The following PPARGC1A variants were observed in gnomAD, a reference collection of about 807,000 sequenced individuals.
PPARGC1A encodes PPARG coactivator 1 alpha, also known as peroxisome proliferator-activated receptor gamma coactivator 1-alpha.
Under a neutral mutation model 88.7 loss-of-function variants are expected in PPARGC1A, and 25 were observed. The observed-to-expected ratio is 0.28, with a 90% CI of 0.21 to 0.39. The LOEUF (loss-of-function observed/expected upper bound fraction) is 0.39. PPARGC1A is among the 10% of genes least tolerant of loss of function. PPARGC1A has a pLI of 1.00. For missense variants in PPARGC1A, 880 were observed against 968.7 expected (o/e 0.91, Z 1.22); for synonymous variants, 363 against 355.6 (o/e 1.02, Z -0.24).
At chr4:23,803,403 C>G (rs4383604) in intron 10 of PPARGC1A, among the ~76,000 whole-genome samples, 5 of 152,104 alleles carry the variant, frequency 3.3e-5, no homozygotes, top group African/African-American at 1.2e-4. Flanking sequence ...GCCAATAAAT[C>G]TAGTCTTATT....
the PPARGC1A span, among the ~76,000 whole-genome samples, chr4:24,005,747 A>G: frequency 6.6e-6 from 1 of 152,134 alleles, no homozygotes; most frequent in South Asian, 2.1e-4. Context: ...TCACTTGGGC[A>G]TAGTGACCGG....
At chr4:24,017,517 GAGAT>G in the PPARGC1A span, among the ~76,000 whole-genome samples, 3 of 152,052 alleles carry the variant, frequency 2.0e-5, no homozygotes, top group African/African-American at 4.8e-5. Flanking sequence ...AGCAAACAGA[GAGAT>G]AGCGCACATA....
At chr4:24,324,759 C>G in the PPARGC1A span, among the ~76,000 whole-genome samples, 1 of 152,144 alleles carries the variant, frequency 6.6e-6, no homozygotes, top group East Asian at 1.9e-4. Context: ...TCAGTCCCTT[C>G]CTAGTCTCTG....
chr4:24,258,099 G>A, the PPARGC1A span: 1 of 426,016 alleles, frequency 2.3e-6, no homozygotes, highest in Non-Finnish European at 3.1e-6. Flanking sequence ...ATATCTGGGT[G>A]TGAAACTTGG....
At chr4:23,813,516 A>G (rs1482319312) in intron 8 of PPARGC1A, among the ~76,000 whole-genome samples, 174 bp downstream of exon 8, 1 of 152,238 alleles carries the variant, frequency 6.6e-6, no homozygotes, top group Non-Finnish European at 1.5e-5. Flanking sequence ...CAGATTTAAG[A>G]GAACATGGAG....
the PPARGC1A span, among the ~76,000 whole-genome samples, chr4:24,353,365 C>T: frequency 6.8e-6 from 1 of 146,838 alleles, no homozygotes; most frequent in Non-Finnish European, 1.5e-5. Flanking sequence ...CATCTGGGTC[C>T]CCCGCCCTCC....
chr4:24,212,672 A>G, the PPARGC1A span, among the ~76,000 whole-genome samples: 1 of 152,184 alleles, frequency 6.6e-6, no homozygotes, highest in African/African-American at 2.4e-5. Flanking sequence ...GCCAACTTGC[A>G]TAACAAACTA....
At chr4:23,797,646 C>A (rs1019165156) in intron 12 of PPARGC1A, among the ~76,000 whole-genome samples, 1 of 152,166 alleles carries the variant, frequency 6.6e-6, no homozygotes, top group African/African-American at 2.4e-5. Flanking sequence ...AGAGTTTCTT[C>A]ACTGTGAAAT....
chr4:24,066,849 GTTTTTT>G, the PPARGC1A span, among the ~76,000 whole-genome samples: 107 of 100,876 alleles, frequency 1.1e-3, 1 homozygote, highest in African/African-American at 4.1e-3. Context: ...TTTGTTTTGG[GTTTTTT>G]TTTTTTTTTT....
the PPARGC1A span, among the ~76,000 whole-genome samples, chr4:24,004,151 G>A: frequency 2.0e-5 from 3 of 152,180 alleles, no homozygotes; most frequent in Non-Finnish European, 4.4e-5. Context: ...CACGCCATCT[G>A]TGTTGCTATA....
chr4:24,262,170 A>C, the PPARGC1A span, among the ~76,000 whole-genome samples: 3 of 151,588 alleles, frequency 2.0e-5, no homozygotes, highest in Non-Finnish European at 4.4e-5. Context: ...GCAGTGGAGG[A>C]TAAAGTGCTT....
At chr4:24,342,582 A>C in the PPARGC1A span, among the ~76,000 whole-genome samples, 1 of 152,244 alleles carries the variant, frequency 6.6e-6, no homozygotes, top group Admixed American at 6.5e-5. Flanking sequence ...GAAGTCGTTC[A>C]TATTATTACA....
At chr4:24,142,398 T>C in the PPARGC1A span, among the ~76,000 whole-genome samples, 4 of 148,388 alleles carry the variant, frequency 2.7e-5, no homozygotes. Flanking sequence ...GGGGGCTGGG[T>C]GCGGTGGCTC....
the PPARGC1A span, among the ~76,000 whole-genome samples, chr4:24,330,720 G>A: frequency 9.8e-5 from 15 of 152,304 alleles, no homozygotes; most frequent in Non-Finnish European, 2.1e-4. Flanking sequence ...TTATAAATGA[G>A]AAACTGAGAC....
At chr4:24,339,866 G>A in the PPARGC1A span, among the ~76,000 whole-genome samples, 1 of 151,916 alleles carries the variant, frequency 6.6e-6, no homozygotes, top group South Asian at 2.1e-4. Flanking sequence ...AGCCTCCCGA[G>A]TAGCTGGGAC....
At chr4:24,373,461 C>T in the PPARGC1A span, among the ~76,000 whole-genome samples, 54 of 152,284 alleles carry the variant, frequency 3.5e-4, 1 homozygote, top group Non-Finnish European at 7.1e-4. Context: ...GAAGGGAACA[C>T]GCTAAAATGT....
At chr4:24,258,164 A>G in the PPARGC1A span, 1 of 940,076 alleles carries the variant, frequency 1.1e-6, no homozygotes, top group Non-Finnish European at 1.3e-6. Context: ...GCACTTCAGA[A>G]TAACAGAAAA....
At chr4:24,132,655 T>C in the PPARGC1A span, among the ~76,000 whole-genome samples, 4 of 152,340 alleles carry the variant, frequency 2.6e-5, no homozygotes, top group East Asian at 5.8e-4. Flanking sequence ...GACCTTTGCA[T>C]TGGGGTCTTG....
chr4:24,067,761 C>T, the PPARGC1A span, among the ~76,000 whole-genome samples: 2 of 152,180 alleles, frequency 1.3e-5, no homozygotes, highest in Non-Finnish European at 2.9e-5. Flanking sequence ...TTAAAAGTCT[C>T]GAAGCTGATT....
Sources: gnomAD v4.1 joint callset for allele counts (sites outside exome capture counted in the v4.1 genomes callset) on GRCh38, gnomAD v4.1.1 for gene constraint, MANE v1.5 for transcripts, NCBI Gene and HGNC (gene_info 2026-07-23, HGNC 2026-07-21) for gene names.